THADA: variants seen among roughly 807,000 people sequenced by gnomAD.
THADA encodes THADA armadillo repeat containing, also known as tRNA (32-2'-O)-methyltransferase regulator THADA.
THADA carries 213 observed loss-of-function variants against 219.8 expected under a neutral mutation model. That is an observed-to-expected ratio of 0.97 (90% confidence interval 0.87 to 1.09). The LOEUF is 1.09. Among genes scored for constraint, THADA ranks in the 50% least tolerant of loss-of-function variants. THADA has a pLI of 0.00. For synonymous variants in THADA, 1,018 were observed against 828.9 expected (o/e 1.23, Z -3.92); for missense variants, 2,956 against 2,311.3 (o/e 1.28, Z -5.72).
chr2:43,314,411 T>C (rs1306735898), intron 31 of THADA, among the ~76,000 whole-genome samples: 15 of 152,218 alleles, frequency 9.9e-5, no homozygotes, highest in Non-Finnish European at 1.5e-5. Flanking sequence ...AAAGTGCAGG[T>C]AGGTATTTGT....
chr2:43,572,938 C>A lies in THADA; in HGVS notation c.1784G>T (p.Gly595Val), dbSNP rs1052092517. 6.2e-7 allele frequency: 1 copy of A among 1,613,920 alleles called. No individual in the cohort carries two copies. Among genetic ancestry groups the A allele is most frequent in the Non-Finnish European group, 8.5e-7 (1 of 1,179,868 alleles). The change falls in exon 12 of 38, where the codon GGA (glycine) becomes GTA (valine). Residue 595 changes from glycine (G) to valine (V), a missense_variant. Transcript: ENST00000405975. ...TATTCGCAGACATGCCATCAAAGCT[C>A]CCAGAGCCCCCCTGCTATTACAAGA... ...LGSCNSRGAL[G>V]ALMACLRIAR...
At chr2:43,528,126 C>CTTTTTTTTT (rs367822642) in intron 21 of THADA, 138 bp from the exon 22 acceptor site, 1 of 158,440 alleles carries the variant, frequency 6.3e-6, no homozygotes, top group African/African-American at 4.4e-5. Flanking sequence ...ATGTTTTAAG[C>CTTTTTTTTT]TTTTTTTTTT....
rs139634185 is a variant in THADA at position 43,378,549 on chromosome 2, T to C, written c.4227+19422A>G. Among the ~76,000 whole-genome samples, 223 of 152,276 alleles carry C rather than the reference T, an allele frequency of 1.5e-3. 1 individual carries two copies. The highest frequency in any genetic ancestry group is 5.1e-3 in the African/African-American group (212 of 41,548). ...TAGATAATCTACAAAGGAATGACAA[T>C]CAAACTGATGATAGCTGTCTTATTA... On this transcript the variant is annotated intron_variant, in intron 29 of 37. Coordinates refer to ENST00000405975, the MANE Select transcript of THADA (RefSeq NM_022065.5).
chr2:43,303,121 AC>A (rs1676454483), intron 31 of THADA, among the ~76,000 whole-genome samples: 1 of 152,092 alleles, frequency 6.6e-6, no homozygotes, highest in African/African-American at 2.4e-5. Flanking sequence ...ACTATTAGGA[AC>A]CTCTATTCTC....
chr2:43,576,567 T>C (rs894119393), intron 10 of THADA, among the ~76,000 whole-genome samples: 1 of 152,214 alleles, frequency 6.6e-6, no homozygotes, highest in Non-Finnish European at 1.5e-5. Flanking sequence ...CATATAAAAA[T>C]TTTTATAGTT....
rs1204097474 is a variant in THADA at position 43,541,335 on chromosome 2, C to T, written c.3107-19G>A. 3.7e-6 allele frequency: 6 copies of T among 1,610,050 alleles called. No individual in the cohort carries two copies. The highest frequency in any genetic ancestry group is 5.1e-6 in the Non-Finnish European group (6 of 1,178,404). On this transcript the variant is annotated intron_variant, in intron 20 of 37. Transcript: ENST00000405975. ...TCTTTACCTTAAACAAAAAAAAACA[C>T]AACGATTGCAACCTTGATTACTCAT...
chr2:43,344,294 C>G, intron 29 of THADA, 57 bp from the exon 30 acceptor site: 1 of 1,219,626 alleles, frequency 8.2e-7, no homozygotes, highest in Non-Finnish European at 1.2e-6. Flanking sequence ...CCTAAATGCT[C>G]AGTTCCTCCC....
intron 36 of THADA, among the ~76,000 whole-genome samples, chr2:43,271,984 C>G (rs1270215895): frequency 6.6e-6 from 1 of 152,140 alleles, no homozygotes; most frequent in Non-Finnish European, 1.5e-5. Context: ...GATAATTAAA[C>G]CAGTGGGGTG....
At chr2:43,305,482 C>A (rs1676748707) in intron 31 of THADA, among the ~76,000 whole-genome samples, 2 of 152,116 alleles carry the variant, frequency 1.3e-5, no homozygotes, top group Non-Finnish European at 2.9e-5. Flanking sequence ...CAGGTGTGGC[C>A]CCCATCACAC....
chr2:43,549,090 T>TTA (rs1696438695), intron 20 of THADA, 120 bp downstream of exon 20: 1 of 964,870 alleles, frequency 1.0e-6, no homozygotes, highest in Non-Finnish European at 1.4e-6. Flanking sequence ...TAAAAAACTT[T>TTA]ATTTTCTAGA....
chr2:43,545,641 A>G (rs1410251137), intron 20 of THADA, among the ~76,000 whole-genome samples: 1 of 151,976 alleles, frequency 6.6e-6, no homozygotes, highest in Non-Finnish European at 1.5e-5. Flanking sequence ...TTTCTTCTAG[A>G]TTTTCTAGTT....
intron 29 of THADA, among the ~76,000 whole-genome samples, chr2:43,353,776 C>T (rs972502830): frequency 6.6e-6 from 1 of 151,944 alleles, no homozygotes; most frequent in Non-Finnish European, 1.5e-5. Context: ...CTGCCTCAGC[C>T]TCCCAAGTAG....
intron 20 of THADA, among the ~76,000 whole-genome samples, chr2:43,548,319 AG>A (rs1696316522): frequency 6.6e-6 from 1 of 152,238 alleles, no homozygotes; most frequent in Non-Finnish European, 1.5e-5. Flanking sequence ...TTCAGGGGTC[AG>A]GGACCCACTT....
intron 21 of THADA, among the ~76,000 whole-genome samples, chr2:43,528,497 T>G (rs1693463246): frequency 6.6e-6 from 1 of 152,106 alleles, no homozygotes; most frequent in South Asian, 2.1e-4. Flanking sequence ...ATAAGTACGA[T>G]CATTATCTCT....
rs755268690 is a variant in THADA, at chr2:43,286,923, G to C, written c.5149C>G (p.Pro1717Ala). The part of the protein sequence containing the change: ...TSTTPLFLTN[P>A]HPILELQDTL... ...GCGCACTTACCAAGAATAGGATGGG[G>C]GTTGGTGAGGAAAAGTGGTGTAGTA... Residue 1717 changes from proline (P) to alanine (A), a missense_variant, in exon 35 of 38, where the codon CCC (proline) becomes GCC (alanine). Pro to Ala is a conservative substitution (Grantham distance 27). Transcript: ENST00000405975. 1 of 1,612,846 alleles carries C rather than the reference G, an allele frequency of 6.2e-7. No individual in the cohort carries two copies. Among genetic ancestry groups the C allele is most frequent in the Admixed American group, 1.7e-5 (1 of 59,992 alleles).
intron 17 of THADA, 129 bp downstream of exon 17, chr2:43,556,216 G>T (rs114186945): frequency 0.011 from 16,746 of 1,479,342 alleles, 258 homozygotes; most frequent in African/African-American, 0.073. Context: ...AGAACCCATG[G>T]TGCTCTTATA....
At chr2:43,443,859 C>T (rs911539669) in intron 26 of THADA, among the ~76,000 whole-genome samples, 2 of 152,242 alleles carry the variant, frequency 1.3e-5, no homozygotes, top group Admixed American at 6.5e-5. Flanking sequence ...TCTCTACTTG[C>T]CTAGCACAAA....
intron 31 of THADA, among the ~76,000 whole-genome samples, chr2:43,296,147 T>G (rs1675349433): frequency 6.6e-6 from 1 of 152,068 alleles, no homozygotes; most frequent in Admixed American, 6.6e-5. Context: ...TTCGAACTCC[T>G]GACCTCGTGA....
chr2:43,459,374 T>C (rs1683370777), intron 26 of THADA, among the ~76,000 whole-genome samples: 1 of 152,188 alleles, frequency 6.6e-6, no homozygotes, highest in African/African-American at 2.4e-5. Flanking sequence ...CATGTGCTTT[T>C]ATAAGTGTTT....
Sources: allele counts gnomAD v4.1 joint callset (sites outside exome capture counted in the v4.1 genomes callset), GRCh38; gene constraint gnomAD v4.1.1; transcripts MANE v1.5; gene names NCBI Gene and HGNC (gene_info 2026-07-23, HGNC 2026-07-21).